CD163L1: variants seen among roughly 807,000 people sequenced by gnomAD.
CD163L1 encodes CD163 molecule like 1.
CD163L1 carries 124 observed loss-of-function variants against 165.4 expected under a neutral mutation model. That is an observed-to-expected ratio of 0.75 (90% CI 0.65 to 0.87). CD163L1 has a LOEUF of 0.87. Among genes scored for constraint, CD163L1 ranks in the 40% least tolerant of loss-of-function variants. CD163L1 has a pLI of 0.00. For synonymous variants in CD163L1, 585 were observed against 662.2 expected (o/e 0.88, Z 1.79); for missense variants, 1,525 against 1,799.9 (o/e 0.85, Z 2.76).
chr12:7,435,448 C>G (rs1020328057), intron 2 of CD163L1, among the ~76,000 whole-genome samples: 1 of 151,668 alleles, frequency 6.6e-6, no homozygotes, highest in Non-Finnish European at 1.5e-5. Flanking sequence ...AAACAAAAGG[C>G]ATGACCATTA....
At chr12:7,333,661 A>G in the CD163L1 span, among the ~76,000 whole-genome samples, 70 of 152,372 alleles carry the variant, frequency 4.6e-4, 1 homozygote, top group East Asian at 0.012. Flanking sequence ...TGAAGGAGAT[A>G]GAGACTCAAA....
intron 1 of CD163L1, among the ~76,000 whole-genome samples, chr12:7,443,080 A>G (rs765921077): frequency 1.3e-5 from 2 of 152,222 alleles, no homozygotes; most frequent in Admixed American, 6.5e-5. Context: ...AACACACATG[A>G]ATTATGAAGA....
intron 2 of CD163L1, among the ~76,000 whole-genome samples, chr12:7,436,829 T>C (rs1402864180): frequency 6.6e-6 from 1 of 152,000 alleles, no homozygotes; most frequent in Non-Finnish European, 1.5e-5. Context: ...TGTAATATAT[T>C]TGAAAAATTA....
chr12:7,433,605 C>T lies in CD163L1; in HGVS notation c.214G>A (p.Val72Met), dbSNP rs1454530909. 6.2e-7 allele frequency: 1 copy of T among 1,614,056 alleles called. No individual in the cohort carries two copies. Among genetic ancestry groups the T allele is most frequent in the Non-Finnish European group, 8.5e-7 (1 of 1,180,010 alleles). ...EVKFQGQWGT[V>M]CDDGWNTTAS... ...GTAGTGTTCCACCCATCATCACACA[C>T]AGTCCCCCACTGTCCCTGGAATTTC... is the stretch of plus-strand genomic sequence containing the variant. Residue 72 changes from valine (V) to methionine (M), a missense_variant, in exon 3 of 20, where the codon GTG becomes ATG. Coordinates refer to ENST00000313599, the MANE Select transcript of CD163L1 (RefSeq NM_174941.6).
At chr12:7,330,685 T>A in the CD163L1 span, among the ~76,000 whole-genome samples, 1 of 152,204 alleles carries the variant, frequency 6.6e-6, no homozygotes, top group Non-Finnish European at 1.5e-5. Flanking sequence ...GAGAAAATGC[T>A]ATTTAATTTG....
At chr12:7,318,974 G>A in the CD163L1 span, among the ~76,000 whole-genome samples, 1 of 152,144 alleles carries the variant, frequency 6.6e-6, no homozygotes. Flanking sequence ...GGGGAGCGGG[G>A]AGATAATTTC....
chr12:7,399,519 CTCTT>C (rs1017733222), intron 6 of CD163L1, among the ~76,000 whole-genome samples: 4 of 141,842 alleles, frequency 2.8e-5, no homozygotes, highest in Admixed American at 7.1e-5. Flanking sequence ...CTCCCTCCCT[CTCTT>C]TCTTTCTCTT....
the CD163L1 span, among the ~76,000 whole-genome samples, chr12:7,340,868 G>A: frequency 6.6e-6 from 1 of 152,200 alleles, no homozygotes; most frequent in Non-Finnish European, 1.5e-5. Flanking sequence ...GCAAGTTGGT[G>A]TATGAGACAG....
intron 8 of CD163L1, among the ~76,000 whole-genome samples, chr12:7,385,346 C>G (rs1052062766): frequency 2.6e-5 from 4 of 151,176 alleles, no homozygotes; most frequent in African/African-American, 7.3e-5. Flanking sequence ...AACAATGAAG[C>G]ACTCAGACAT....
chr12:7,322,332 T>A, the CD163L1 span: 3 of 1,575,020 alleles, frequency 1.9e-6, no homozygotes, highest in Admixed American at 5.0e-5. Flanking sequence ...CTAGCTGCTA[T>A]GCTTACTGCT....
In CD163L1 at chr12:7,347,944, G is replaced by A. The variant is rs1013330797; in HGVS notation, c.*25-797C>T. Among the ~76,000 whole-genome samples, 3 of 152,098 alleles carry A rather than the reference G, an allele frequency of 2.0e-5. No individual in the cohort carries two copies. Among genetic ancestry groups the A allele is most frequent in the African/African-American group, 7.2e-5 (3 of 41,388 alleles). On this transcript the variant is annotated intron_variant, in intron 4 of 4. Transcript: ENST00000539726. This position sits in a 1 kb window ranked among gnomAD's most constrained non-coding sequence, Gnocchi z 4.2. ...CATGAGCTTCACATGTCATTCAAAT[G>A]TCCACAAACCCACATTTTTCTTCTT...
intron 4 of CD163L1, among the ~76,000 whole-genome samples, chr12:7,419,780 T>C (rs751128048): frequency 6.6e-6 from 1 of 151,728 alleles, no homozygotes; most frequent in Non-Finnish European, 1.5e-5. Flanking sequence ...AAATTTATTA[T>C]ACTGCCAAAG....
chr12:7,354,199 CTTCTT>C (rs1299010806), downstream of CD163L1, among the ~76,000 whole-genome samples: 2 of 151,982 alleles, frequency 1.3e-5, no homozygotes, highest in Non-Finnish European at 2.9e-5. Context: ...ATCACCTAGG[CTTCTT>C]TTTTTTGTTT....
chr12:7,364,560 C>T (rs1339099061), intron 18 of CD163L1, among the ~76,000 whole-genome samples: 2 of 152,050 alleles, frequency 1.3e-5, no homozygotes, highest in African/African-American at 4.8e-5. Context: ...CACCAGAAAA[C>T]TGTGAGAACT....
Position 7,373,566 on chromosome 12 carries a change from C to T in CD163L1, c.3484G>A (p.Gly1162Arg), listed in dbSNP as rs779749979. ...CAGRLEVFYN[G>R]TWGSVGRRNI... The stretch of plus-strand genomic sequence containing the variant: ...CTCCTGCCGACGCTGCCCCAGGTCC[C>T]GTTATAGAAGACTTCCAATCTCCCA... The change falls in exon 14 of 20, where the codon GGG becomes AGG. Residue 1162 changes from glycine (G) to arginine (R), a missense_variant. Coordinates refer to ENST00000313599, the MANE Select transcript of CD163L1 (RefSeq NM_174941.6). 2.5e-6 allele frequency: 4 copies of T among 1,613,842 alleles called. No homozygotes were observed. The highest frequency in any genetic ancestry group is 2.7e-5 in the African/African-American group (2 of 74,924).
In CD163L1 at chr12:7,368,402, C is replaced by A. The variant is rs1483973695; in HGVS notation, c.4073-205G>T. On this transcript the variant is annotated intron_variant, in intron 16 of 19. Coordinates refer to ENST00000313599, the MANE Select transcript of CD163L1 (RefSeq NM_174941.6). This position sits in a 1 kb window ranked among gnomAD's most constrained non-coding sequence, Gnocchi z 4.3. ...ACTGAATCCAAATCTTTCCATAATT[C>A]TATTGCCCTAAATTACTTCCAATTT... Among the ~76,000 whole-genome samples, 1 of 152,166 alleles carries A rather than the reference C, an allele frequency of 6.6e-6. No homozygotes were observed. The highest frequency in any genetic ancestry group is 1.9e-4 in the East Asian group (1 of 5,202).
At chr12:7,422,028 T>A (rs142964140) in intron 4 of CD163L1, among the ~76,000 whole-genome samples, 1 of 152,152 alleles carries the variant, frequency 6.6e-6, no homozygotes, top group Non-Finnish European at 1.5e-5. Flanking sequence ...GACAGACACC[T>A]CATGCAGGAG....
At chr12:7,402,638 A>AT (rs200594568) in intron 6 of CD163L1, among the ~76,000 whole-genome samples, 7,367 of 144,682 alleles carry the variant, frequency 0.051, 229 homozygotes, top group Non-Finnish European at 0.068. Context: ...TATTTATTTC[A>AT]TTTTTTTTTT....
At chr12:7,337,735 C>T in the CD163L1 span, among the ~76,000 whole-genome samples, 1 of 152,186 alleles carries the variant, frequency 6.6e-6, no homozygotes, top group Non-Finnish European at 1.5e-5. Context: ...TAAATTAGTT[C>T]AACCACTGTA....
Sources: gnomAD v4.1 joint callset for allele counts (sites outside exome capture counted in the v4.1 genomes callset) on GRCh38, gnomAD v4.1.1 for gene constraint, Gnocchi (gnomAD v3.1) non-coding constraint, MANE v1.5 for transcripts, NCBI Gene and HGNC (gene_info 2026-07-23, HGNC 2026-07-21) for gene names.